The following NHSL2 variants were observed in gnomAD, a reference collection of about 807,000 sequenced individuals.
NHSL2 encodes the protein NHS like 2.
Under a neutral mutation model 53.4 loss-of-function variants are expected in NHSL2, and 27 were observed. The ratio of observed to expected loss-of-function variants is 0.51; its 90% CI spans 0.37 to 0.70. The LOEUF is 0.70. Among genes scored for constraint, NHSL2 ranks in the 30% least tolerant of loss-of-function variants. NHSL2 has a pLI of 0.00. For missense variants in NHSL2, 892 were observed against 980.1 expected (o/e 0.91, Z 1.20); for synonymous variants, 408 against 404.1 (o/e 1.01, Z -0.12).
chrX:71,943,328 C>A (rs748198086), intron 1 of NHSL2, among the ~76,000 whole-genome samples: 61 of 112,351 alleles, frequency 5.4e-4, no homozygotes, highest in Non-Finnish European at 8.8e-4. Flanking sequence ...TATACTTCAC[C>A]ATCCAATTCA....
At chrX:72,132,687 T>C (rs1274555608) in intron 2 of NHSL2, among the ~76,000 whole-genome samples, 1 of 111,887 alleles carries the variant, frequency 8.9e-6, no homozygotes, top group Non-Finnish European at 1.9e-5. Flanking sequence ...CCTGGATAGC[T>C]ACTGCCTCAC....
At chrX:72,125,705 G>A (rs1238046291) in intron 1 of NHSL2, among the ~76,000 whole-genome samples, 1 of 111,902 alleles carries the variant, frequency 8.9e-6, no homozygotes, top group African/African-American at 3.3e-5. Context: ...CCTGGGTGCT[G>A]GAGACCTTGT....
intron 1 of NHSL2, among the ~76,000 whole-genome samples, chrX:71,933,469 A>G (rs925917237): frequency 9.0e-6 from 1 of 110,946 alleles, no homozygotes; most frequent in Non-Finnish European, 1.9e-5. Flanking sequence ...ATGAAAAACT[A>G]GGAGAAAGTA....
intron 1 of NHSL2, among the ~76,000 whole-genome samples, chrX:71,984,560 T>C (rs1186259681): frequency 8.9e-6 from 1 of 111,875 alleles, no homozygotes; most frequent in Non-Finnish European, 1.9e-5. Context: ...CACTGGATGA[T>C]TCACAGGAAT....
intron 1 of NHSL2, among the ~76,000 whole-genome samples, chrX:72,049,912 T>A (rs2042329959): frequency 9.8e-6 from 1 of 101,890 alleles, no homozygotes; most frequent in Admixed American, 1.1e-4. Flanking sequence ...GTTCAAGGCT[T>A]TGGTGACACA....
In NHSL2 at chrX:72,134,724, C is replaced by T. The variant is rs1309313991; in HGVS notation, c.760+20C>T. 9.0e-7 allele frequency: 1 copy of T among 1,107,000 alleles called. No homozygotes were observed. The highest frequency in any genetic ancestry group is 1.2e-6 in the Non-Finnish European group (1 of 819,664). 91.2% of individuals were successfully genotyped at this position (1,107,000 alleles called of 1,213,427 possible). On this transcript the variant is annotated intron_variant, in intron 4 of 7. Transcript: ENST00000633930. ...TCTCTGGTAGAGTTGCTTAGCACCG[C>T]CTTTGTCTTCTTCCCTTCATGCCTC... is the stretch of plus-strand genomic sequence containing the variant.
chrX:71,945,743 A>G (rs1021535185), intron 1 of NHSL2, among the ~76,000 whole-genome samples: 1 of 111,648 alleles, frequency 9.0e-6, no homozygotes, highest in Non-Finnish European at 1.9e-5. Flanking sequence ...GCTAGCAGGG[A>G]AGAGAGACTT....
At chrX:72,137,255 C>T (rs1185370017) in intron 5 of NHSL2, 30 bp downstream of exon 5, 12 of 1,140,449 alleles carry the variant, frequency 1.1e-5, no homozygotes, top group Non-Finnish European at 1.4e-5. Flanking sequence ...TTCCCCAGTC[C>T]CTTCCCCTTA....
chrX:72,115,528 C>T (rs184789203), intron 1 of NHSL2, among the ~76,000 whole-genome samples: 44 of 110,004 alleles, frequency 4.0e-4, no homozygotes, highest in Admixed American at 3.1e-3. Flanking sequence ...TGGCTACAGG[C>T]GCCAGGCAAG....
At chrX:72,068,282 C>T (rs2042443455) in intron 1 of NHSL2, among the ~76,000 whole-genome samples, 1 of 112,186 alleles carries the variant, frequency 8.9e-6, no homozygotes, top group East Asian at 2.8e-4. Context: ...GGTGATCCCA[C>T]TTTAGATCTC....
intron 1 of NHSL2, among the ~76,000 whole-genome samples, chrX:72,004,441 C>T (rs755728028): frequency 8.9e-6 from 1 of 111,752 alleles, no homozygotes; most frequent in Admixed American, 9.4e-5. Context: ...TGTGGCTCAG[C>T]GGCTGCACAT....
chrX:71,931,289 A>G (rs762692756), intron 1 of NHSL2, among the ~76,000 whole-genome samples: 6 of 112,223 alleles, frequency 5.3e-5, no homozygotes, highest in Non-Finnish European at 1.1e-4. Context: ...TATGACTTGT[A>G]AATATTTTCT....
chrX:71,984,609 A>G (rs2041994820), intron 1 of NHSL2, among the ~76,000 whole-genome samples: 1 of 111,895 alleles, frequency 8.9e-6, no homozygotes, highest in Non-Finnish European at 1.9e-5. Flanking sequence ...ATACTTAAAA[A>G]CAACTAATGA....
chrX:71,981,875 C>T (rs960025217), intron 1 of NHSL2, among the ~76,000 whole-genome samples: 1 of 111,875 alleles, frequency 8.9e-6, no homozygotes, highest in Non-Finnish European at 1.9e-5. Flanking sequence ...CTGGTAGGAA[C>T]ATAAAATGGT....
chrX:71,979,009 G>A (rs1181460598), intron 1 of NHSL2, among the ~76,000 whole-genome samples: 1 of 104,917 alleles, frequency 9.5e-6, no homozygotes, highest in East Asian at 3.0e-4. Context: ...AGAACATGCG[G>A]TGTTTGGTTT....
intron 1 of NHSL2, among the ~76,000 whole-genome samples, chrX:72,117,639 G>A (rs2147487294): frequency 9.1e-6 from 1 of 110,105 alleles, no homozygotes; most frequent in Admixed American, 9.7e-5. Context: ...TCGACTTTGT[G>A]TCTTAATGGA....
At chrX:72,023,879 G>T (rs2042172288) in intron 1 of NHSL2, among the ~76,000 whole-genome samples, 2 of 112,055 alleles carry the variant, frequency 1.8e-5, no homozygotes, top group Non-Finnish European at 3.8e-5. Context: ...CTGAGCCAAG[G>T]CAGGAGCTGA....
At chrX:72,117,818 T>A (rs2042151453) in intron 1 of NHSL2, among the ~76,000 whole-genome samples, 1 of 95,492 alleles carries the variant, frequency 1.0e-5, no homozygotes, top group African/African-American at 3.8e-5. Flanking sequence ...TAGACCACAT[T>A]TTTATTTATT....
In NHSL2 at chrX:72,149,329, G is replaced by A. The variant is rs2042492283; in HGVS notation, c.*5755G>A. The A allele has an allele frequency of 9.0e-6, 1 of 111,579 alleles. No individual in the cohort carries two copies. Among genetic ancestry groups the A allele is most frequent in the Admixed American group, 9.6e-5 (1 of 10,456 alleles). 9.2% of individuals were successfully genotyped at this position (111,579 alleles called of 1,213,427 possible). On this transcript the variant is annotated 3_prime_UTR_variant, in exon 8 of 8. Transcript: ENST00000633930. The stretch of plus-strand genomic sequence containing the variant: ...GTGGCTGTTCTCCAGTAAGGCTCTG[G>A]CAGAAGTATATTTGATTTTAAGATT...
Sources: allele counts gnomAD v4.1 joint callset (sites outside exome capture counted in the v4.1 genomes callset), GRCh38; gene constraint gnomAD v4.1.1; transcripts MANE v1.5; gene names NCBI Gene and HGNC (gene_info 2026-07-23, HGNC 2026-07-21).